The following SWT1 variants were observed in gnomAD, a reference collection of about 807,000 sequenced individuals.
SWT1 encodes the protein SWT1 RNA endoribonuclease homolog.
SWT1 carries 33 observed loss-of-function variants against 107.3 expected under a neutral mutation model. The observed-to-expected ratio is 0.31, with a 90% CI of 0.23 to 0.41. The LOEUF is 0.41. Ranked by LOEUF, SWT1 falls within the 10% of genes least tolerant of loss-of-function variation. SWT1 has a pLI of 1.00. For missense variants in SWT1, 898 were observed against 1,028.9 expected, an observed-to-expected ratio of 0.87 and a Z score of 1.74; for synonymous variants, 345 against 348.3, an observed-to-expected ratio of 0.99 and a Z score of 0.11.
intron 18 of SWT1, among the ~76,000 whole-genome samples, chr1:185,280,664 T>A (rs1664557433): frequency 2.0e-5 from 3 of 152,066 alleles, no homozygotes. Context: ...GGGCTCCAGG[T>A]TGAGTTAATA....
At chr1:185,261,182 T>A in intron 16 of SWT1, among the ~76,000 whole-genome samples, 1 of 152,146 alleles carries the variant, frequency 6.6e-6, no homozygotes, top group South Asian at 2.1e-4. Flanking sequence ...TCCCCAGTTT[T>A]CCATCCCCTT....
chr1:185,201,946 A>T (rs1018100292), intron 10 of SWT1, among the ~76,000 whole-genome samples: 7 of 149,374 alleles, frequency 4.7e-5, no homozygotes, highest in Non-Finnish European at 1.0e-4. Context: ...TAGTTAATAT[A>T]TTTTTTTTTT....
At chr1:185,225,426 T>C (rs575052884) in intron 15 of SWT1, among the ~76,000 whole-genome samples, 2 of 152,298 alleles carry the variant, frequency 1.3e-5, no homozygotes, top group African/African-American at 4.8e-5. Context: ...TGGCCTTGTA[T>C]AATGAGTTTG....
intron 16 of SWT1, among the ~76,000 whole-genome samples, chr1:185,244,225 A>G (rs150683390): frequency 3.3e-4 from 51 of 152,256 alleles, no homozygotes; most frequent in African/African-American, 1.2e-3. Flanking sequence ...GATGTGAGCT[A>G]CCACACCCAG....
chr1:185,252,700 A>G (rs1662135923), intron 16 of SWT1, among the ~76,000 whole-genome samples: 1 of 152,182 alleles, frequency 6.6e-6, no homozygotes, highest in Admixed American at 6.5e-5. Flanking sequence ...TCAGATGAGT[A>G]GGTTATGAAA....
intron 16 of SWT1, among the ~76,000 whole-genome samples, chr1:185,244,658 C>T (rs1193354074): frequency 1.3e-5 from 2 of 152,092 alleles, no homozygotes; most frequent in Non-Finnish European, 1.5e-5. Context: ...TACACTTAGG[C>T]TCCACTCAAT....
At chr1:185,255,177 G>C (rs1255723776) in intron 16 of SWT1, among the ~76,000 whole-genome samples, 2 of 152,174 alleles carry the variant, frequency 1.3e-5, no homozygotes, top group Non-Finnish European at 2.9e-5. Context: ...TTTTACATCT[G>C]TTGAGGAGAG....
intron 2 of SWT1, among the ~76,000 whole-genome samples, chr1:185,165,754 T>G (rs1039374825): frequency 6.6e-6 from 1 of 152,224 alleles, no homozygotes; most frequent in Non-Finnish European, 1.5e-5. Flanking sequence ...ATAATTTGCT[T>G]TTCTACTCCA....
intron 1 of SWT1, among the ~76,000 whole-genome samples, chr1:185,158,339 A>C (rs781052047): frequency 6.6e-5 from 10 of 151,716 alleles, no homozygotes; most frequent in Non-Finnish European, 1.2e-4. Flanking sequence ...TCTGTGAGTT[A>C]TAGTCCTAAA....
rs527869120 is a variant in SWT1 at position 185,198,059 on chromosome 1, T to A, written c.1524-4595T>A. 2.6e-5 allele frequency among the ~76,000 whole-genome samples: 4 copies of A among 152,352 alleles called. No individual in the cohort carries two copies. The East Asian group carries it at 7.7e-4, about 29-fold the overall frequency. On this transcript the variant is annotated intron_variant, in intron 10 of 18. Coordinates refer to ENST00000367500, the MANE Select transcript of SWT1 (RefSeq NM_017673.7). ...TGTCAATTTTAGATCTTTCCTGCTT[T>A]CTCTTGTGTGCTTTTAGTGCTATAA...
At position 185,160,897 on chromosome 1, in the gene SWT1, C is replaced by A. The variant is rs200445061; in HGVS notation, c.56C>A (p.Thr19Asn). The change falls in exon 2 of 19, where the codon ACC (threonine) becomes AAC (asparagine). Residue 19 changes from threonine (T) to asparagine (N), a missense_variant. This residue lies in a region of SWT1 where 382 missense variants were observed against 362.4 expected (regional missense o/e 1.05). Coordinates refer to ENST00000367500, the MANE Select transcript of SWT1 (RefSeq NM_017673.7). ...GAGACATCTCAGAGGAAAGACACCACCACCTCATCACCCAATTTTGGTGAA... is the reference window on the plus strand; with the variant it reads ...GAGACATCTCAGAGGAAAGACACCAACACCTCATCACCCAATTTTGGTGAA... ...KKETSQRKDTTTSSPNFGEKD... is the reference protein window; with the variant it reads ...KKETSQRKDTNTSSPNFGEKD... 8.9e-5 allele frequency: 144 copies of A among 1,612,836 alleles called. No individual in the cohort carries two copies. Among genetic ancestry groups the A allele is most frequent in the Non-Finnish European group, 4.7e-5 (55 of 1,179,478 alleles).
chr1:185,169,037 A>G (rs552273340), intron 4 of SWT1, among the ~76,000 whole-genome samples: 1 of 152,304 alleles, frequency 6.6e-6, no homozygotes, highest in South Asian at 2.1e-4. Context: ...AAAACAAGTA[A>G]GATGGCATTA....
intron 16 of SWT1, among the ~76,000 whole-genome samples, chr1:185,269,059 A>C (rs1663629563): frequency 6.6e-6 from 1 of 151,976 alleles, no homozygotes; most frequent in African/African-American, 2.4e-5. Context: ...TCACCGTGTT[A>C]GCCAGGATGG....
intron 5 of SWT1, 121 bp downstream of exon 5, chr1:185,175,234 T>G (rs888901702): frequency 2.1e-6 from 2 of 957,294 alleles, no homozygotes; most frequent in Non-Finnish European, 2.9e-6. Flanking sequence ...GTTTGTTTTT[T>G]GTTTTTGAGA....
chr1:185,252,564 G>A (rs1662124038), intron 16 of SWT1, among the ~76,000 whole-genome samples: 2 of 151,986 alleles, frequency 1.3e-5, no homozygotes, highest in Non-Finnish European at 1.5e-5. Context: ...GTGTTTTTTG[G>A]CTGCATAAAT....
intron 17 of SWT1, among the ~76,000 whole-genome samples, chr1:185,272,196 C>A (rs903005260): frequency 6.6e-6 from 1 of 152,154 alleles, no homozygotes; most frequent in African/African-American, 2.4e-5. Flanking sequence ...GCAGCATAAA[C>A]CCTGGAGGTA....
chr1:185,167,961 G>A (rs536391035), intron 3 of SWT1, among the ~76,000 whole-genome samples: 2 of 152,104 alleles, frequency 1.3e-5, no homozygotes, highest in East Asian at 1.9e-4. Flanking sequence ...TCTACTTCTC[G>A]TCTTTATTAT....
chr1:185,287,773 G>C (rs1665030431), intron 18 of SWT1, among the ~76,000 whole-genome samples: 1 of 152,192 alleles, frequency 6.6e-6, no homozygotes, highest in African/African-American at 2.4e-5. Context: ...AGGCCAAGCA[G>C]ACACTATGAA....
At chr1:185,171,639 C>A (rs183096668) in intron 4 of SWT1, 11 of 528,392 alleles carry the variant, frequency 2.1e-5, no homozygotes, top group African/African-American at 1.9e-4. Context: ...TGGGTGCAAT[C>A]AAGAGTGAAC....
Sources: allele counts gnomAD v4.1 joint callset (sites outside exome capture counted in the v4.1 genomes callset), GRCh38; gene constraint gnomAD v4.1.1; regional missense constraint gnomAD v4.1.1; transcripts MANE v1.5; gene names NCBI Gene and HGNC (gene_info 2026-07-23, HGNC 2026-07-21).